Variants in RORB observed in about 807,000 individuals in gnomAD.
The protein encoded by RORB is nuclear receptor ROR-beta.
Under a neutral mutation model 59.1 loss-of-function variants are expected in RORB, and 6 were observed. The ratio of observed to expected loss-of-function variants is 0.10; its 90% confidence interval spans 0.06 to 0.20. The LOEUF (loss-of-function observed/expected upper bound fraction) is 0.20, where lower values mean the gene tolerates loss of function less well. RORB is among the 10% of genes least tolerant of loss of function. The pLI is 1.00. For missense variants in RORB, 320 were observed against 560.5 expected, an observed-to-expected ratio of 0.57 and a Z score of 4.33; for synonymous variants, 215 against 204.5, an observed-to-expected ratio of 1.05 and a Z score of -0.44.
chr9:74,680,630 C>T (rs188680550), intron 9 of RORB, among the ~76,000 whole-genome samples: 11 of 151,964 alleles, frequency 7.2e-5, no homozygotes, highest in East Asian at 1.9e-4. Flanking sequence ...TGTTATAATT[C>T]GAATCCAACT....
At chr9:74,522,923 C>A (rs144279138) in intron 1 of RORB, among the ~76,000 whole-genome samples, 75 of 151,868 alleles carry the variant, frequency 4.9e-4, no homozygotes, top group Non-Finnish European at 1.0e-4. Flanking sequence ...CTAGTTCTAC[C>A]TAATTCTTAT....
At chr9:74,541,253 C>G (rs1421588769) in intron 1 of RORB, among the ~76,000 whole-genome samples, 2 of 104,522 alleles carry the variant, frequency 1.9e-5, no homozygotes, top group Non-Finnish European at 3.6e-5. Flanking sequence ...GCTCTCCAGC[C>G]TGGGCAACAG....
At chr9:74,584,255 T>A (rs1587370212) in intron 1 of RORB, among the ~76,000 whole-genome samples, 1 of 152,228 alleles carries the variant, frequency 6.6e-6, no homozygotes, top group African/African-American at 2.4e-5. Flanking sequence ...ATGTCATTAC[T>A]GCGCATGTAT....
chr9:74,580,994 T>C (rs1822714353), intron 1 of RORB, among the ~76,000 whole-genome samples: 1 of 152,096 alleles, frequency 6.6e-6, no homozygotes, highest in African/African-American at 2.4e-5. Flanking sequence ...GAGCCAGAAT[T>C]TCAGATGGGG....
chr9:74,659,932 T>TA (rs1412964769), intron 4 of RORB, among the ~76,000 whole-genome samples: 1 of 152,026 alleles, frequency 6.6e-6, no homozygotes, highest in Non-Finnish European at 1.5e-5. Context: ...GGTTATTATA[T>TA]AAAAAATTAA....
chr9:74,630,591 G>A (rs1436161792), intron 2 of RORB, among the ~76,000 whole-genome samples: 2 of 152,136 alleles, frequency 1.3e-5, no homozygotes, highest in African/African-American at 4.8e-5. Context: ...AAAAATGGAT[G>A]CGTATTTAAA....
At chr9:74,645,211 G>A (rs1823874680) in intron 4 of RORB, among the ~76,000 whole-genome samples, 1 of 152,024 alleles carries the variant, frequency 6.6e-6, no homozygotes, top group South Asian at 2.1e-4. Context: ...AAACAGCAAT[G>A]CCACCTAGTG....
chr9:74,669,609 C>T (rs150962137), intron 8 of RORB, among the ~76,000 whole-genome samples: 14 of 151,952 alleles, frequency 9.2e-5, no homozygotes, highest in African/African-American at 3.4e-4. Flanking sequence ...CAGTTACTTC[C>T]TCAGCTGTTG....
intron 8 of RORB, 43 bp downstream of exon 8, chr9:74,667,944 T>G (rs764292120): frequency 1.6e-6 from 2 of 1,275,254 alleles, no homozygotes; most frequent in South Asian, 1.2e-5. Flanking sequence ...AAAACTTGTT[T>G]TACTATTTTT....
intron 1 of RORB, among the ~76,000 whole-genome samples, chr9:74,515,975 A>T (rs974768106): frequency 1.3e-5 from 2 of 152,092 alleles, no homozygotes; most frequent in African/African-American, 4.8e-5. Flanking sequence ...AAATGAAAGA[A>T]ACAAAGCATA....
intron 4 of RORB, among the ~76,000 whole-genome samples, chr9:74,648,859 A>G (rs1823944529): frequency 6.6e-6 from 1 of 152,214 alleles, no homozygotes; most frequent in Admixed American, 6.5e-5. Context: ...GCTGCTGTAC[A>G]GATGCCGCTT....
At chr9:74,612,898 C>T (rs1438657796) in intron 1 of RORB, among the ~76,000 whole-genome samples, 1 of 152,098 alleles carries the variant, frequency 6.6e-6, no homozygotes, top group East Asian at 1.9e-4. Context: ...ATCCTCATTA[C>T]CTACAGATCT....
chr9:74,502,714 A>G (rs1335499038), intron 1 of RORB, among the ~76,000 whole-genome samples: 2 of 152,106 alleles, frequency 1.3e-5, no homozygotes, highest in Non-Finnish European at 2.9e-5. Flanking sequence ...GTGAACAATA[A>G]TATCAGTGCC....
At chr9:74,679,242 T>C (rs1824501067) in intron 9 of RORB, among the ~76,000 whole-genome samples, 1 of 152,132 alleles carries the variant, frequency 6.6e-6, no homozygotes, top group Non-Finnish European at 1.5e-5. Context: ...TATTTTCATT[T>C]CTATTTGGTC....
At chr9:74,591,667 C>T (rs1822895742) in intron 1 of RORB, among the ~76,000 whole-genome samples, 1 of 152,084 alleles carries the variant, frequency 6.6e-6, no homozygotes, top group East Asian at 1.9e-4. Flanking sequence ...ATTGTTTTTC[C>T]CATAAAACAT....
chr9:74,535,728 G>C (rs970721828), intron 1 of RORB, among the ~76,000 whole-genome samples: 3 of 151,920 alleles, frequency 2.0e-5, no homozygotes, highest in Admixed American at 2.0e-4. Flanking sequence ...CTTCCCATGA[G>C]CTATCCAAAT....
chr9:74,561,982 G>T (rs1822402410), intron 1 of RORB, among the ~76,000 whole-genome samples: 1 of 152,138 alleles, frequency 6.6e-6, no homozygotes, highest in African/African-American at 2.4e-5. Context: ...TTCATGAGTA[G>T]ATTGTTTATC....
At chr9:74,620,367 T>C (rs1823393389) in intron 1 of RORB, among the ~76,000 whole-genome samples, 1 of 152,232 alleles carries the variant, frequency 6.6e-6, no homozygotes, top group Non-Finnish European at 1.5e-5. Context: ...TAGTTTGCAT[T>C]TCTGTGGGAT....
rs565712690 is a variant in RORB, at chr9:74,667,691, A to G, written c.1001-100A>G. On this transcript the variant is annotated intron_variant, in intron 7 of 9. Coordinates refer to ENST00000376896, the MANE Select transcript of RORB (RefSeq NM_006914.4). ...AAAATATCTTTTCTAGAAGTCTAGT[A>G]TGCACCTCCTTGGATAGCTTATTGA... 6.9e-6 allele frequency: 5 copies of G among 728,868 alleles called. No homozygotes were observed. In the East Asian group the frequency reaches 1.0e-4, roughly 15 times the overall value. 45.2% of individuals were successfully genotyped at this position (728,868 alleles called of 1,614,324 possible). A position where few individuals can be genotyped will look rare whatever the true frequency, so the allele number is the denominator to read the frequency against.
Sources: allele counts gnomAD v4.1 joint callset (sites outside exome capture counted in the v4.1 genomes callset), GRCh38; gene constraint gnomAD v4.1.1; transcripts MANE v1.5; gene names NCBI Gene and HGNC (gene_info 2026-07-23, HGNC 2026-07-21).